Variants in TCF12 observed in about 807,000 individuals in gnomAD.
TCF12 encodes the protein transcription factor 12.
TCF12 carries 45 observed loss-of-function variants against 86.0 expected under a neutral mutation model. The observed-to-expected ratio is 0.52, with a 90% confidence interval of 0.41 to 0.67. TCF12 has a LOEUF of 0.67. Among genes scored for constraint, TCF12 ranks in the 30% least tolerant of loss-of-function variants. TCF12 has a pLI of 0.00. For synonymous variants in TCF12, 330 were observed against 299.6 expected (o/e 1.10, Z -1.05); for missense variants, 881 against 859.9 (o/e 1.02, Z -0.31).
intron 4 of TCF12, among the ~76,000 whole-genome samples, chr15:57,088,978 A>G (rs1013625472): frequency 3.9e-5 from 6 of 152,192 alleles, no homozygotes; most frequent in African/African-American, 1.4e-4. Context: ...AAGTTATACT[A>G]TGGGTGGGTA....
intron 8 of TCF12, among the ~76,000 whole-genome samples, chr15:57,204,079 T>C (rs9672676): frequency 0.22 from 33,398 of 152,076 alleles, 3,977 homozygotes; most frequent in Middle Eastern, 0.32. Flanking sequence ...AGACTCTACT[T>C]TTTCTTGGTT....
rs1313708063 is a variant in TCF12, at chr15:57,043,415, AG to A, written c.149-20334del. On this transcript the variant is annotated intron_variant, in intron 3 of 20. Coordinates refer to ENST00000333725, the MANE Select transcript of TCF12 (RefSeq NM_207037.2). The stretch of plus-strand genomic sequence containing the variant: ...TTATATTCCCTCTAACAGTGCTTCC[AG>A]TCTCTCCACGTCCTCACTATCACTT... Among the ~76,000 whole-genome samples the A allele has an allele frequency of 2.6e-5, 4 of 152,170 alleles. No homozygotes were observed. The South Asian group carries it at 6.3e-4, about 24-fold the overall frequency.
chr15:57,042,823 G>A (rs1187311703), intron 3 of TCF12, among the ~76,000 whole-genome samples: 2 of 152,002 alleles, frequency 1.3e-5, no homozygotes, highest in Non-Finnish European at 2.9e-5. Context: ...TATTTAGTAT[G>A]GTATTGTTAA....
intron 5 of TCF12, among the ~76,000 whole-genome samples, chr15:57,093,022 G>A (rs775297898): frequency 2.0e-5 from 3 of 152,122 alleles, no homozygotes; most frequent in Admixed American, 6.6e-5. Flanking sequence ...TGCCGAAGGC[G>A]GTTGACAGTT....
At chr15:57,075,843 C>CTCTCT (rs2069954724) in intron 4 of TCF12, among the ~76,000 whole-genome samples, 1 of 54,554 alleles carries the variant, frequency 1.8e-5, no homozygotes, top group Non-Finnish European at 3.9e-5. Flanking sequence ...TCTTTTCTTT[C>CTCTCT]TTTCTTTCTT....
intron 4 of TCF12, among the ~76,000 whole-genome samples, chr15:57,071,730 A>T: frequency 6.6e-6 from 1 of 152,254 alleles, no homozygotes; most frequent in African/African-American, 2.4e-5. Flanking sequence ...TTACGAAAAT[A>T]ATTTTCTTGG....
chr15:57,158,073 A>G (rs894215516), intron 5 of TCF12, among the ~76,000 whole-genome samples: 3 of 152,152 alleles, frequency 2.0e-5, no homozygotes, highest in Admixed American at 6.5e-5. Flanking sequence ...TTTAATTTGC[A>G]AATCTGATGT....
chr15:57,232,584 A>G lies in TCF12; in HGVS notation c.826-128A>G, dbSNP rs1407500251. On this transcript the variant is annotated intron_variant, in intron 10 of 20. Coordinates refer to ENST00000333725, the MANE Select transcript of TCF12 (RefSeq NM_207037.2). ...TTTACCATGCCTTTCTAAAAAATAAATGACAATAAGTAGTGCTCTTTAGCT... is the reference window on the plus strand; with the variant it reads ...TTTACCATGCCTTTCTAAAAAATAAGTGACAATAAGTAGTGCTCTTTAGCT... 15 of 1,442,602 alleles carry G rather than the reference A, an allele frequency of 1.0e-5. No individual in the cohort carries two copies. The Admixed American group carries it at 1.7e-4, about 16-fold the overall frequency. The allele number at this position is 1,442,602 out of a possible 1,614,324, so 89.4% of individuals were successfully genotyped here. A position where few individuals can be genotyped will look rare whatever the true frequency, so the allele number is the denominator to read the frequency against.
rs374014354 is a variant in TCF12 at position 57,282,573 on chromosome 15, A to G, written c.2107A>G (p.Met703Val). Residue 703 changes from methionine (M) to valine (V), a missense_variant, in exon 20 of 21, where the codon ATG becomes GTG. Physicochemically the swap from Met to Val is conservative, Grantham distance 21. Coordinates refer to ENST00000333725, the MANE Select transcript of TCF12 (RefSeq NM_207037.2). ...TGGGCTTAGTGAAACTACCAACCCT[A>G]TGGGTCATATGTAAACATCAGCCAG... ...HPGLSETTNPMGHM is the reference protein window; with the variant it reads ...HPGLSETTNPVGHM 84 of 1,613,602 alleles carry G rather than the reference A, an allele frequency of 5.2e-5. No homozygotes were observed. Among genetic ancestry groups the G allele is most frequent in the Non-Finnish European group, 6.5e-5 (77 of 1,179,932 alleles).
In TCF12 at chr15:57,239,574, G is replaced by A. The variant is rs2059525939; in HGVS notation, c.1036-3898G>A. The stretch of plus-strand genomic sequence containing the variant: ...GTTCAGGGCAATTATGTATAGGATG[G>A]AAAGAGAGGGGAGTAACTAGAAATA... On this transcript the variant is annotated intron_variant, in intron 12 of 20. Coordinates refer to ENST00000333725, the MANE Select transcript of TCF12 (RefSeq NM_207037.2). 2.6e-5 allele frequency among the ~76,000 whole-genome samples: 4 copies of A among 151,674 alleles called. No individual in the cohort carries two copies. In the South Asian group the frequency reaches 8.4e-4, roughly 32 times the overall value.
At chr15:57,020,698 A>AT (rs1192930956) in intron 3 of TCF12, among the ~76,000 whole-genome samples, 1 of 152,134 alleles carries the variant, frequency 6.6e-6, no homozygotes, top group African/African-American at 2.4e-5. Context: ...TAATTGGTTT[A>AT]TTTTTTTATA....
intron 3 of TCF12, among the ~76,000 whole-genome samples, chr15:56,956,174 G>A (rs2061497850): frequency 6.6e-6 from 1 of 151,080 alleles, no homozygotes; most frequent in South Asian, 2.1e-4. Context: ...TTTTTATCTA[G>A]TCTAAAGTCT....
In TCF12 at chr15:57,263,380, A is replaced by G. The variant is rs1217127209; in HGVS notation, c.1745+106A>G. 16 of 1,190,232 alleles carry G rather than the reference A, an allele frequency of 1.3e-5. No homozygotes were observed. The African/African-American group carries it at 2.5e-4, about 18-fold the overall frequency. 73.7% of individuals were successfully genotyped at this position (1,190,232 alleles called of 1,614,324 possible). A position where few individuals can be genotyped will look rare whatever the true frequency, so the allele number is the denominator to read the frequency against. On this transcript the variant is annotated intron_variant, in intron 18 of 20. Transcript: ENST00000333725. ...ATTAACTGTCAGCTATGTTCTAGATATTGTGTTAGGATTTTTGTGTATGTT... is the reference window on the plus strand; with the variant it reads ...ATTAACTGTCAGCTATGTTCTAGATGTTGTGTTAGGATTTTTGTGTATGTT...
chr15:56,988,661 A>C (rs2063308624), intron 3 of TCF12, among the ~76,000 whole-genome samples: 1 of 152,206 alleles, frequency 6.6e-6, no homozygotes, highest in East Asian at 1.9e-4. Flanking sequence ...GAAACATTGA[A>C]GCTAATGTGA....
intron 3 of TCF12, among the ~76,000 whole-genome samples, chr15:56,952,189 T>TACACACACAC (rs58480587): frequency 4.0e-4 from 60 of 150,398 alleles, no homozygotes; most frequent in African/African-American, 1.4e-3. Context: ...TTTGTGTATA[T>TACACACACAC]ACACACACAC....
chr15:57,264,987 T>G (rs1597747945), intron 18 of TCF12, among the ~76,000 whole-genome samples: 1 of 150,676 alleles, frequency 6.6e-6, no homozygotes, highest in East Asian at 2.0e-4. Context: ...ACCTCGGCCT[T>G]CCAAAGTGCT....
At chr15:57,039,406 T>C (rs746428068) in intron 3 of TCF12, among the ~76,000 whole-genome samples, 1 of 152,194 alleles carries the variant, frequency 6.6e-6, no homozygotes. Context: ...AGTTACTTCA[T>C]TGTCATTTGT....
Position 57,131,238 on chromosome 15 carries a change from T to C in TCF12, c.326-35164T>C, listed in dbSNP as rs376160691. Among the ~76,000 whole-genome samples, 4 of 152,334 alleles carry C rather than the reference T, an allele frequency of 2.6e-5. No individual in the cohort carries two copies. In the South Asian group the frequency reaches 8.3e-4, roughly 32 times the overall value. ...TTTGAATGCTGTTTAATTCTGCCTG[T>C]TGCTTTGATGAGACCAGTCACTGCT... On this transcript the variant is annotated intron_variant, in intron 5 of 20. Transcript: ENST00000333725.
At chr15:57,208,969 G>A (rs536044869) in intron 8 of TCF12, among the ~76,000 whole-genome samples, 12 of 152,278 alleles carry the variant, frequency 7.9e-5, no homozygotes, top group African/African-American at 2.9e-4. Context: ...TCCCATCTTG[G>A]CCTCCCAAAG....
Sources: gnomAD v4.1 joint callset for allele counts (sites outside exome capture counted in the v4.1 genomes callset) on GRCh38, gnomAD v4.1.1 for gene constraint, MANE v1.5 for transcripts, NCBI Gene and HGNC (gene_info 2026-07-23, HGNC 2026-07-21) for gene names.